The following SLC41A2 variants were observed in gnomAD, a reference collection of about 807,000 sequenced individuals.
SLC41A2 encodes solute carrier family 41 member 2.
A neutral mutation model predicts 58.3 loss-of-function variants in SLC41A2; 32 were observed. That is an observed-to-expected ratio of 0.55 (90% CI 0.41 to 0.74). The LOEUF is 0.74. SLC41A2 is among the 30% of genes least tolerant of loss of function. The pLI is 0.00. For synonymous variants in SLC41A2, 190 were observed against 235.0 expected (o/e 0.81, Z 1.75); for missense variants, 514 against 680.6 (o/e 0.76, Z 2.72).
intron 1 of SLC41A2, among the ~76,000 whole-genome samples, chr12:104,933,133 G>T (rs2047133549): frequency 6.6e-6 from 1 of 151,992 alleles, no homozygotes; most frequent in Non-Finnish European, 1.5e-5. Flanking sequence ...AAATTATGCA[G>T]CCCACAAAGG....
chr12:104,892,295 CA>C (rs1392518962), intron 4 of SLC41A2, among the ~76,000 whole-genome samples: 6 of 106,138 alleles, frequency 5.7e-5, no homozygotes, highest in East Asian at 3.9e-4. Flanking sequence ...GACCTCATCT[CA>C]AAAAAAAAAT....
intron 8 of SLC41A2, among the ~76,000 whole-genome samples, chr12:104,860,532 A>C (rs577478636): frequency 4.1e-4 from 63 of 152,226 alleles, no homozygotes; most frequent in African/African-American, 1.5e-3. Context: ...CATAGATAAC[A>C]AAAAAATATA....
Position 104,888,546 on chromosome 12 carries a change from A to C in SLC41A2, c.880+487T>G, listed in dbSNP as rs80128711. On this transcript the variant is annotated intron_variant, in intron 5 of 10. Transcript: ENST00000258538. ...TTCTGGCTCTTTAAATTCTATAGCC[A>C]ACAATATGCTATCTTAAGTATAAGG... is the stretch of plus-strand genomic sequence containing the variant. Among the ~76,000 whole-genome samples, 65 of 152,270 alleles carry C rather than the reference A, an allele frequency of 4.3e-4. No homozygotes were observed. In the East Asian group the frequency reaches 0.012, roughly 27 times the overall value.
intron 1 of SLC41A2, among the ~76,000 whole-genome samples, chr12:104,957,408 A>C (rs10861297): frequency 9.2e-5 from 14 of 151,866 alleles, no homozygotes; most frequent in African/African-American, 3.4e-4. Flanking sequence ...TAAGAGAGAC[A>C]GGGTTTCTTT....
intron 9 of SLC41A2, 50 bp from the exon 10 acceptor site, chr12:104,844,670 A>C: frequency 2.0e-6 from 2 of 1,009,306 alleles, no homozygotes; most frequent in Non-Finnish European, 1.4e-6. Context: ...ATTTTGGTTA[A>C]TAATAGGTCA....
intron 2 of SLC41A2, among the ~76,000 whole-genome samples, chr12:104,915,795 T>C (rs888667197): frequency 6.6e-6 from 1 of 152,178 alleles, no homozygotes; most frequent in Non-Finnish European, 1.5e-5. Flanking sequence ...GGCCAGAACT[T>C]CCAACACTAT....
chr12:104,956,528 AAT>A (rs1276004968), intron 1 of SLC41A2, among the ~76,000 whole-genome samples: 1 of 152,064 alleles, frequency 6.6e-6, no homozygotes, highest in African/African-American at 2.4e-5. Context: ...AAAATACAAA[AAT>A]TAGCCGGGCA....
chr12:104,903,176 A>G (rs1462157964), intron 3 of SLC41A2, among the ~76,000 whole-genome samples: 2 of 152,164 alleles, frequency 1.3e-5, no homozygotes, highest in Admixed American at 6.5e-5. Flanking sequence ...CATCTTGAAT[A>G]TTATCTCTAA....
intron 10 of SLC41A2, among the ~76,000 whole-genome samples, chr12:104,841,362 TAC>T (rs1422606320): frequency 6.6e-6 from 1 of 151,532 alleles, no homozygotes; most frequent in Non-Finnish European, 1.5e-5. Context: ...TGTACCTAAA[TAC>T]AGTTATAAAA....
intron 8 of SLC41A2, among the ~76,000 whole-genome samples, chr12:104,852,571 T>A (rs1398391714): frequency 1.3e-5 from 2 of 152,188 alleles, no homozygotes; most frequent in Non-Finnish European, 2.9e-5. Flanking sequence ...AACAGTCTTA[T>A]AAATAAACAG....
intron 2 of SLC41A2, among the ~76,000 whole-genome samples, chr12:104,915,492 A>G (rs936367820): frequency 1.3e-5 from 2 of 152,146 alleles, no homozygotes; most frequent in South Asian, 2.1e-4. Context: ...CACATCCCTT[A>G]TAAGTTAGAT....
Position 104,928,648 on chromosome 12 carries a change from A to G in SLC41A2, c.-121T>C. On this transcript the variant is annotated 5_prime_UTR_variant, in exon 2 of 11. Transcript: ENST00000258538. ...TTGTTGACTTCATTGTGTAGAAAATATTTCCACTAATAAAAGATGTTCAGA... is the reference window on the plus strand; with the variant it reads ...TTGTTGACTTCATTGTGTAGAAAATGTTTCCACTAATAAAAGATGTTCAGA... 2.1e-6 allele frequency: 1 copy of G among 487,756 alleles called. No homozygotes were observed. Among genetic ancestry groups the G allele is most frequent in the Non-Finnish European group, 3.4e-6 (1 of 293,572 alleles). 30.2% of individuals were successfully genotyped at this position (487,756 alleles called of 1,614,324 possible).
At position 104,867,540 on chromosome 12, in the gene SLC41A2, A is replaced by AC. The variant is rs1555204838; in HGVS notation, c.1028-962_1028-961insG. On this transcript the variant is annotated intron_variant, in intron 6 of 10. Transcript: ENST00000258538. ...ACTCTTATCTTTGACTGAATTTTCTATTTTTTTTGCTTCTTAAGGTATTTA... is the reference window on the plus strand; with the variant it reads ...ACTCTTATCTTTGACTGAATTTTCTACTTTTTTTTGCTTCTTAAGGTATTTA... Among the ~76,000 whole-genome samples the AC allele has an allele frequency of 7.2e-4, 102 of 140,814 alleles. No individual in the cohort carries two copies. In the East Asian group the frequency reaches 0.016, roughly 22 times the overall value. 92.4% of individuals were successfully genotyped at this position (140,814 alleles called of 152,430 possible).
At chr12:104,907,983 G>A (rs1348136792) in intron 3 of SLC41A2, among the ~76,000 whole-genome samples, 1 of 152,158 alleles carries the variant, frequency 6.6e-6, no homozygotes, top group Non-Finnish European at 1.5e-5. Context: ...AAGCAAACCA[G>A]GCCAGGCACA....
At chr12:104,823,881 G>C (rs1261206424) in intron 10 of SLC41A2, among the ~76,000 whole-genome samples, 1 of 152,122 alleles carries the variant, frequency 6.6e-6, no homozygotes, top group Non-Finnish European at 1.5e-5. Context: ...TATTGTATTA[G>C]GGATTTTTGT....
intron 8 of SLC41A2, among the ~76,000 whole-genome samples, chr12:104,858,195 A>G (rs2043086537): frequency 6.6e-6 from 1 of 152,216 alleles, no homozygotes; most frequent in Non-Finnish European, 1.5e-5. Flanking sequence ...CTAGTTCTGA[A>G]AGACATTAAT....
chr12:104,931,522 T>C (rs1369207073), intron 1 of SLC41A2: 1 of 152,240 alleles, frequency 6.6e-6, no homozygotes, highest in African/African-American at 2.4e-5. Context: ...GGATTTTACC[T>C]TGTAATTGGA....
chr12:104,943,716 G>C (rs773513631), intron 1 of SLC41A2, among the ~76,000 whole-genome samples: 1 of 152,160 alleles, frequency 6.6e-6, no homozygotes, highest in African/African-American at 2.4e-5. Context: ...TGAGAGGGGG[G>C]ACTGAGAGAC....
intron 8 of SLC41A2, among the ~76,000 whole-genome samples, chr12:104,850,384 A>G (rs1156609937): frequency 6.6e-6 from 1 of 152,220 alleles, no homozygotes; most frequent in African/African-American, 2.4e-5. Flanking sequence ...TCTTGGGCAT[A>G]CATAAATATT....
Sources: allele counts gnomAD v4.1 joint callset (sites outside exome capture counted in the v4.1 genomes callset), GRCh38; gene constraint gnomAD v4.1.1; transcripts MANE v1.5; gene names NCBI Gene and HGNC (gene_info 2026-07-23, HGNC 2026-07-21).